GRIN3A: variants seen among roughly 807,000 people sequenced by gnomAD.
GRIN3A encodes the protein glutamate ionotropic receptor NMDA type subunit 3A, also known as glutamate receptor ionotropic, NMDA 3A.
Under a neutral mutation model 92.4 loss-of-function variants are expected in GRIN3A, and 47 were observed. The observed-to-expected ratio is 0.51, with a 90% CI of 0.40 to 0.65. The LOEUF (loss-of-function observed/expected upper bound fraction) is 0.65, where lower values mean the gene tolerates loss of function less well. Ranked by LOEUF, GRIN3A falls within the 30% of genes least tolerant of loss-of-function variation. GRIN3A has a pLI of 0.00. For missense variants in GRIN3A, 1,324 were observed against 1,393.1 expected (o/e 0.95, Z 0.79); for synonymous variants, 527 against 540.6 (o/e 0.97, Z 0.35).
intron 5 of GRIN3A, among the ~76,000 whole-genome samples, chr9:101,618,174 CA>C (rs953096985): frequency 1.4e-4 from 21 of 150,400 alleles, no homozygotes; most frequent in Non-Finnish European, 2.8e-4. Flanking sequence ...CAACAAAAGA[CA>C]AAATTGACAA....
chr9:101,710,758 G>GT (rs750386741), intron 1 of GRIN3A, among the ~76,000 whole-genome samples: 3 of 152,164 alleles, frequency 2.0e-5, no homozygotes, highest in Non-Finnish European at 4.4e-5. Context: ...ACCAGACATG[G>GT]TTTTAGGCAC....
intron 6 of GRIN3A, among the ~76,000 whole-genome samples, chr9:101,610,888 G>A (rs1009916887): frequency 1.3e-5 from 2 of 152,006 alleles, no homozygotes; most frequent in Admixed American, 6.6e-5. Flanking sequence ...CATGAACTCA[G>A]GAGATCAAGA....
intron 1 of GRIN3A, among the ~76,000 whole-genome samples, chr9:101,690,682 G>A (rs188580866): frequency 1.3e-5 from 2 of 152,252 alleles, no homozygotes; most frequent in African/African-American, 4.8e-5. Flanking sequence ...AAAAGAAAAT[G>A]ATAGGCCTTG....
intron 3 of GRIN3A, among the ~76,000 whole-genome samples, chr9:101,641,950 G>A (rs569764475): frequency 6.6e-6 from 1 of 152,106 alleles, no homozygotes; most frequent in Admixed American, 6.5e-5. Flanking sequence ...ATCTGTTACA[G>A]CAGTATTCAT....
chr9:101,602,307 G>T (rs146316297), intron 6 of GRIN3A, among the ~76,000 whole-genome samples: 264 of 152,256 alleles, frequency 1.7e-3, no homozygotes, highest in Middle Eastern at 6.8e-3. Flanking sequence ...GATGGCTTTT[G>T]CAGTATTTTG....
chr9:101,655,037 C>A (rs1470543363), intron 3 of GRIN3A, among the ~76,000 whole-genome samples: 2 of 151,806 alleles, frequency 1.3e-5, no homozygotes, highest in Non-Finnish European at 2.9e-5. Flanking sequence ...TACTTAAAGT[C>A]ATTAGTCAAT....
intron 3 of GRIN3A, among the ~76,000 whole-genome samples, chr9:101,631,362 C>T (rs907358641): frequency 2.0e-5 from 3 of 152,166 alleles, no homozygotes; most frequent in East Asian, 3.9e-4. Context: ...TAAACAAACC[C>T]TCTCTTTAAG....
intron 1 of GRIN3A, among the ~76,000 whole-genome samples, chr9:101,735,855 T>C (rs1830197680): frequency 6.8e-6 from 1 of 147,900 alleles, no homozygotes; most frequent in Admixed American, 6.6e-5. Flanking sequence ...AAATATTTTA[T>C]ATAAAAGTTA....
chr9:101,626,240 C>T (rs1003219538), intron 4 of GRIN3A, among the ~76,000 whole-genome samples: 1 of 152,152 alleles, frequency 6.6e-6, no homozygotes, highest in African/African-American at 2.4e-5. Flanking sequence ...GAAAACCAGT[C>T]ACATATTAAC....
chr9:101,737,602 G>A lies in GRIN3A; in HGVS notation c.378C>T (p.Asp126=), dbSNP rs1189653238. Residue 126 remains aspartate, a synonymous_variant, in exon 1 of 9, where the codon GAC becomes GAT. Coordinates refer to ENST00000361820, the MANE Select transcript of GRIN3A (RefSeq NM_133445.3). ...GGTTGTCCACGGCAAATAGGAGGGCGTCCCGTGGCCACAGGGCCTCCGCCC... is the reference window on the plus strand; with the variant it reads ...GGTTGTCCACGGCAAATAGGAGGGCATCCCGTGGCCACAGGGCCTCCGCCC... ...GARAEALWPR[D]ALLFAVDNLN... 3 of 1,613,604 alleles carry A rather than the reference G, an allele frequency of 1.9e-6. No homozygotes were observed. Among genetic ancestry groups the A allele is most frequent in the African/African-American group, 2.7e-5 (2 of 74,940 alleles).
At chr9:101,588,280 AGAG>A (rs1564119609) in intron 6 of GRIN3A, among the ~76,000 whole-genome samples, 1 of 152,244 alleles carries the variant, frequency 6.6e-6, no homozygotes, top group African/African-American at 2.4e-5. Flanking sequence ...AAGAAACAGA[AGAG>A]GAGATAATTT....
At position 101,737,423 on chromosome 9, in the gene GRIN3A, T is replaced by C; in HGVS notation, c.557A>G (p.His186Arg). 6.2e-7 allele frequency: 1 copy of C among 1,614,264 alleles called. No individual in the cohort carries two copies. The highest frequency in any genetic ancestry group is 8.5e-7 in the Non-Finnish European group (1 of 1,180,046). ...DPFSFLQSVC[H>R]TVVVQGVSAL... The stretch of plus-strand genomic sequence containing the variant: ...CGACACCCCTTGCACCACCACGGTA[T>C]GGCACACACTTTGCAGGAAGGAGAA... Residue 186 changes from histidine (H) to arginine (R), a missense_variant, in exon 1 of 9, where the codon CAT (histidine) becomes CGT (arginine). By Grantham distance (29) the His-to-Arg change is conservative. Coordinates refer to ENST00000361820, the MANE Select transcript of GRIN3A (RefSeq NM_133445.3).
intron 1 of GRIN3A, among the ~76,000 whole-genome samples, chr9:101,728,795 CT>C (rs1830106393): frequency 6.6e-6 from 1 of 152,144 alleles, no homozygotes; most frequent in African/African-American, 2.4e-5. Context: ...CAATATGCAT[CT>C]AGAAAGTCCC....
intron 3 of GRIN3A, among the ~76,000 whole-genome samples, chr9:101,660,910 G>A (rs1478178042): frequency 6.6e-6 from 1 of 151,640 alleles, no homozygotes; most frequent in Non-Finnish European, 1.5e-5. Flanking sequence ...TTCATTAGTC[G>A]AACAACATTT....
intron 3 of GRIN3A, among the ~76,000 whole-genome samples, chr9:101,659,584 A>G (rs1829143030): frequency 6.7e-6 from 1 of 149,900 alleles, no homozygotes; most frequent in African/African-American, 2.4e-5. Context: ...TTATTTATAC[A>G]TAGAAAGTAT....
intron 2 of GRIN3A, among the ~76,000 whole-genome samples, chr9:101,681,041 T>C (rs1829459834): frequency 6.6e-6 from 1 of 152,204 alleles, no homozygotes; most frequent in African/African-American, 2.4e-5. Flanking sequence ...TAAGTGTTGA[T>C]GACCAGATTA....
intron 8 of GRIN3A, among the ~76,000 whole-genome samples, chr9:101,575,261 C>G (rs1182385448): frequency 1.3e-5 from 2 of 152,154 alleles, no homozygotes; most frequent in Non-Finnish European, 2.9e-5. Context: ...CTGTAATGAA[C>G]CCACTTATAG....
At chr9:101,636,353 C>T (rs1828785594) in intron 3 of GRIN3A, among the ~76,000 whole-genome samples, 1 of 152,062 alleles carries the variant, frequency 6.6e-6, no homozygotes, top group African/African-American at 2.4e-5. Context: ...TATTAGGTGC[C>T]TCCTTCATTC....
At position 101,572,732 on chromosome 9, in the gene GRIN3A, T is replaced by G; in HGVS notation, c.*442A>C. On this transcript the variant is annotated 3_prime_UTR_variant, in exon 9 of 9. Coordinates refer to ENST00000361820, the MANE Select transcript of GRIN3A (RefSeq NM_133445.3). ...GTAGGAATAAATCTAGATCGGGGAG[T>G]TGTATCAAAAGCTACAACCCTAGAT... is the stretch of plus-strand genomic sequence containing the variant. 1 of 189,292 alleles carries G rather than the reference T, an allele frequency of 5.3e-6. No homozygotes were observed. The highest frequency in any genetic ancestry group is 1.1e-5 in the Non-Finnish European group (1 of 89,116). The allele number at this position is 189,292 out of a possible 1,614,324, so 11.7% of individuals were successfully genotyped here. A position where few individuals can be genotyped will look rare whatever the true frequency, so the allele number is the denominator to read the frequency against.
Sources: allele counts gnomAD v4.1 joint callset (sites outside exome capture counted in the v4.1 genomes callset), GRCh38; gene constraint gnomAD v4.1.1; transcripts MANE v1.5; gene names NCBI Gene and HGNC (gene_info 2026-07-23, HGNC 2026-07-21).